CCND3: variants seen among roughly 807,000 people sequenced by gnomAD.
The protein encoded by CCND3 is G1/S-specific cyclin-D3.
CCND3 carries 9 observed loss-of-function variants against 28.7 expected under a neutral mutation model. The observed-to-expected ratio is 0.31, with a 90% CI of 0.19 to 0.55. CCND3 has a LOEUF of 0.55. Among genes scored for constraint, CCND3 ranks in the 20% least tolerant of loss-of-function variants. CCND3 has a pLI of 0.93. For synonymous variants in CCND3, 164 were observed against 163.9 expected (o/e 1.00, Z 0.00); for missense variants, 315 against 385.8 (o/e 0.82, Z 1.54).
Position 41,935,697 on chromosome 6 carries a change from G to T in CCND3, c.*243C>A, listed in dbSNP as rs370734536. The T allele has an allele frequency of 1.1e-4, 58 of 539,114 alleles. 3 individuals carry two copies. Among genetic ancestry groups the T allele is most frequent in the East Asian group, 6.5e-4 (23 of 35,244 alleles). The allele number at this position is 539,114 out of a possible 1,614,324, so 33.4% of individuals were successfully genotyped here. A position where few individuals can be genotyped will look rare whatever the true frequency, so the allele number is the denominator to read the frequency against. On this transcript the variant is annotated 3_prime_UTR_variant, in exon 5 of 5. Coordinates refer to ENST00000372991, the MANE Select transcript of CCND3 (RefSeq NM_001760.5). The stretch of plus-strand genomic sequence containing the variant: ...GCCTGGCCCACCCCCAGCTAGAGTT[G>T]GGAAAGGCGCTGCTGGTCAGATGCA...
intron 1 of CCND3, among the ~76,000 whole-genome samples, chr6:42,023,958 C>A (rs1283621367): frequency 6.6e-6 from 1 of 152,166 alleles, no homozygotes; most frequent in Admixed American, 6.5e-5. Flanking sequence ...CAGCCTAATA[C>A]ATACACTTAT....
intron 1 of CCND3, among the ~76,000 whole-genome samples, chr6:42,006,000 C>T: frequency 6.7e-6 from 1 of 149,768 alleles, no homozygotes; most frequent in South Asian, 2.1e-4. Context: ...CATTTCTACA[C>T]AAAAAATTTT....
chr6:42,012,457 G>T (rs1763370207), intron 1 of CCND3, among the ~76,000 whole-genome samples: 1 of 149,248 alleles, frequency 6.7e-6, no homozygotes, highest in African/African-American at 2.6e-5. Context: ...AAAAAAATTA[G>T]CCAGGTGTGA....
intron 1 of CCND3, among the ~76,000 whole-genome samples, chr6:41,990,697 G>A (rs1363814848): frequency 2.8e-5 from 3 of 108,586 alleles, no homozygotes; most frequent in African/African-American, 3.8e-5. Context: ...TTTTTGTGAT[G>A]GAGTCTTGCT....
At chr6:41,987,564 A>C (rs970645776) in intron 1 of CCND3, among the ~76,000 whole-genome samples, 1 of 142,254 alleles carries the variant, frequency 7.0e-6, no homozygotes, top group Non-Finnish European at 1.6e-5. Context: ...TGTTTTAGAG[A>C]CAGAGTCTTG....
At chr6:42,042,700 T>C (rs1439596075) in intron 1 of CCND3, among the ~76,000 whole-genome samples, 3 of 152,264 alleles carry the variant, frequency 2.0e-5, no homozygotes, top group Admixed American at 6.5e-5. Flanking sequence ...CCCCTGTGCC[T>C]CAGTTTCCTT....
intron 1 of CCND3, among the ~76,000 whole-genome samples, chr6:42,042,347 C>T (rs549836187): frequency 2.6e-4 from 39 of 147,558 alleles, no homozygotes; most frequent in Admixed American, 4.8e-4. Flanking sequence ...CTTAGGGAAG[C>T]GTAGGCTCGG....
upstream of CCND3, chr6:42,049,520 C>T (rs1764666244): frequency 6.6e-6 from 1 of 152,282 alleles, no homozygotes; most frequent in South Asian, 2.1e-4. Flanking sequence ...TGCCAGGCAC[C>T]TGCAAATGGG....
At chr6:41,945,383 T>C (rs921057654), upstream of CCND3, among the ~76,000 whole-genome samples, 5 of 152,094 alleles carry the variant, frequency 3.3e-5, no homozygotes, top group Non-Finnish European at 7.4e-5. Flanking sequence ...GGTGTGGTGG[T>C]GGATGCCTGT....
rs575657500 is a variant in CCND3 at position 42,004,781 on chromosome 6, A to G, written c.-46+43720T>C. Among the ~76,000 whole-genome samples, 17 of 152,272 alleles carry G rather than the reference A, an allele frequency of 1.1e-4. 2 individuals are homozygous for G. In the South Asian group the frequency reaches 1.5e-3, roughly 13 times the overall value. On this transcript the variant is annotated intron_variant, in intron 1 of 4. Coordinates refer to the CCND3 transcript ENST00000372988. The stretch of plus-strand genomic sequence containing the variant: ...ACTATTTATTATTATCCAAACCAGT[A>G]TATCTTTTAAAGTGAAAGGGAGTAC...
intron 1 of CCND3, among the ~76,000 whole-genome samples, chr6:42,023,649 C>T (rs929371041): frequency 1.3e-5 from 2 of 152,096 alleles, no homozygotes; most frequent in Non-Finnish European, 2.9e-5. Flanking sequence ...ACTAGGGTAG[C>T]CGTATCCTTT....
In CCND3 at chr6:42,048,697, C is replaced by G. The variant is rs1394944291; in HGVS notation, c.-242G>C. 1 of 516,088 alleles carries G rather than the reference C, an allele frequency of 1.9e-6. No homozygotes were observed. Among genetic ancestry groups the G allele is most frequent in the Admixed American group, 2.0e-5 (1 of 51,172 alleles). 32.0% of individuals were successfully genotyped at this position (516,088 alleles called of 1,614,324 possible). ...GCAGTGGCGAAGTGTTTACAAAGTC[C>G]GCGCCGCGCCGCCGATCCAGAGCTG... On this transcript the variant is annotated 5_prime_UTR_variant, in exon 1 of 5. Coordinates refer to the CCND3 transcript ENST00000372988. The surrounding 1 kb of genome is among the most constrained non-coding windows in gnomAD (Gnocchi z 4.7).
intron 1 of CCND3, among the ~76,000 whole-genome samples, chr6:42,040,879 C>CAAAAAAAAAAAAAAAAAAAA (rs575544643): frequency 7.1e-6 from 1 of 140,650 alleles, no homozygotes; most frequent in Admixed American, 7.1e-5. Flanking sequence ...AAAAAAAAAA[C>CAAAAAAAAAAAAAAAAAAAA]AAAAAAAAAA....
chr6:41,962,229 T>G (rs1322016906), intron 1 of CCND3, among the ~76,000 whole-genome samples: 1 of 152,138 alleles, frequency 6.6e-6, no homozygotes, highest in East Asian at 1.9e-4. Flanking sequence ...GCCTCCCCAG[T>G]AGCTGGGATT....
chr6:41,965,606 G>C (rs1761866278), intron 1 of CCND3, among the ~76,000 whole-genome samples: 1 of 152,126 alleles, frequency 6.6e-6, no homozygotes, highest in South Asian at 2.1e-4. Context: ...TTAAGGGGTA[G>C]GTGGAGAAAC....
chr6:41,946,238 A>T (rs1776164327), upstream of CCND3, among the ~76,000 whole-genome samples: 1 of 152,178 alleles, frequency 6.6e-6, no homozygotes, highest in Non-Finnish European at 1.5e-5. Flanking sequence ...TTTAAAATAC[A>T]TAGAAGAGTG....
intron 1 of CCND3, among the ~76,000 whole-genome samples, chr6:41,959,450 C>A (rs1363751824): frequency 6.6e-6 from 1 of 151,990 alleles, no homozygotes. Flanking sequence ...TTTGGGAGGC[C>A]AAGGTGGGCA....
In CCND3 at chr6:41,967,101, GA is replaced by G. The variant is rs1044234503; in HGVS notation, c.-45-26517del. 1.6e-4 allele frequency among the ~76,000 whole-genome samples: 25 copies of G among 152,158 alleles called. No homozygotes were observed. In the East Asian group the frequency reaches 4.2e-3, roughly 26 times the overall value. On this transcript the variant is annotated intron_variant, in intron 1 of 4. Transcript: ENST00000372988. ...ATGACATGAAAGGAAATTCCTCTAG[GA>G]AAAAAACAAAACAAAACATTTTTGA...
chr6:42,009,544 G>A (rs561052156), intron 1 of CCND3, among the ~76,000 whole-genome samples: 5 of 152,336 alleles, frequency 3.3e-5, no homozygotes, highest in South Asian at 2.1e-4. Flanking sequence ...TCTGGGAGGC[G>A]GAGGTTGCAG....
Sources: gnomAD v4.1 joint callset for allele counts (sites outside exome capture counted in the v4.1 genomes callset) on GRCh38, gnomAD v4.1.1 for gene constraint, Gnocchi (gnomAD v3.1) non-coding constraint, MANE v1.5 for transcripts, NCBI Gene and HGNC (gene_info 2026-07-23, HGNC 2026-07-21) for gene names.